The following PAK3 variants were observed in gnomAD, a reference collection of about 807,000 sequenced individuals.
The protein encoded by PAK3 is serine/threonine-protein kinase PAK 3.
In PAK3, 4 loss-of-function variants were observed where a neutral mutation model predicts 41.0. The observed-to-expected ratio is 0.10, with a 90% confidence interval of 0.05 to 0.22. The LOEUF (loss-of-function observed/expected upper bound fraction) is 0.22. Among genes scored for constraint, PAK3 ranks in the 10% least tolerant of loss-of-function variants. The probability of loss-of-function intolerance (pLI) is 1.00; values close to 1 mark genes in which losing one functional copy is unlikely to be tolerated. For missense variants in PAK3, 205 were observed against 409.9 expected (o/e 0.50, Z 4.32); for synonymous variants, 146 against 139.6 (o/e 1.05, Z -0.32).
chrX:111,192,254 C>T (rs911992051), intron 12 of PAK3, 79 bp downstream of exon 12: 4 of 676,708 alleles, frequency 5.9e-6, no homozygotes, highest in Non-Finnish European at 9.5e-6. Flanking sequence ...GGCAACTTCG[C>T]CTAAAAAAAA....
At position 111,123,171 on chromosome X, in the gene PAK3, G is replaced by A. The variant is rs768347607; in HGVS notation, c.68G>A (p.Arg23Gln). Reference sequence around the variant, plus strand: ...CCACTGAGGATGAATAGTAACAACCGGGATTCTTCAGCACTCAACCACAGC... The same window carrying A: ...CCACTGAGGATGAATAGTAACAACCAGGATTCTTCAGCACTCAACCACAGC... ...APPLRMNSNN[R>Q]DSSALNHSSK... Residue 23 changes from arginine to glutamine, a missense_variant, in exon 5 of 18, where the codon CGG (arginine) becomes CAG (glutamine). By Grantham distance (43) the Arg-to-Gln change is conservative. Transcript: ENST00000372007. 7.5e-6 allele frequency: 9 copies of A among 1,202,120 alleles called. No homozygotes were observed. The highest frequency in any genetic ancestry group is 1.8e-5 in the African/African-American group (1 of 57,060).
chrX:111,198,901 T>G, intron 16 of PAK3, among the ~76,000 whole-genome samples: 1 of 111,824 alleles, frequency 8.9e-6, no homozygotes, highest in East Asian at 2.8e-4. Context: ...GTATTGAATC[T>G]GTACATTACT....
At chrX:110,975,316 C>A (rs760243434) in intron 1 of PAK3, among the ~76,000 whole-genome samples, 1 of 111,872 alleles carries the variant, frequency 8.9e-6, no homozygotes, top group Non-Finnish European at 1.9e-5. Flanking sequence ...ACACCAATAA[C>A]AGACAAACAG....
intron 4 of PAK3, among the ~76,000 whole-genome samples, chrX:111,103,946 T>C (rs1241189012): frequency 9.0e-6 from 1 of 111,705 alleles, no homozygotes; most frequent in Admixed American, 9.4e-5. Context: ...TCTTGCATGG[T>C]TTCTGGAGTA....
At chrX:111,095,693 T>A (rs1603198954), upstream of PAK3, among the ~76,000 whole-genome samples, 1 of 112,118 alleles carries the variant, frequency 8.9e-6, no homozygotes, top group Admixed American at 9.4e-5. Context: ...CACTGCCACA[T>A]CTGTCTCTCT....
chrX:111,155,291 A>C (rs1182825214), intron 8 of PAK3, among the ~76,000 whole-genome samples: 1 of 110,099 alleles, frequency 9.1e-6, no homozygotes, highest in Non-Finnish European at 1.9e-5. Context: ...GCTTGAGCCT[A>C]GGAGTTCAAG....
At chrX:111,195,039 T>G (rs1019422298) in intron 14 of PAK3, among the ~76,000 whole-genome samples, 4 of 112,132 alleles carry the variant, frequency 3.6e-5, no homozygotes, top group South Asian at 7.5e-4. Context: ...TTTACTGGAG[T>G]CTCATCTTAG....
intron 1 of PAK3, among the ~76,000 whole-genome samples, chrX:111,020,531 G>A (rs1403757397): frequency 9.0e-6 from 1 of 111,426 alleles, no homozygotes; most frequent in East Asian, 2.9e-4. Context: ...ATGGCAGATA[G>A]GAGGCAGGAC....
chrX:111,195,073 T>C (rs975227068), intron 14 of PAK3, among the ~76,000 whole-genome samples: 1 of 112,581 alleles, frequency 8.9e-6, no homozygotes, highest in Non-Finnish European at 1.9e-5. Flanking sequence ...TCCCATTTAT[T>C]GTGGTGAGGT....
chrX:111,019,530 C>CAA lies in PAK3; in HGVS notation c.-28+74918_-28+74919dup, dbSNP rs145174631. 8.0e-3 allele frequency among the ~76,000 whole-genome samples: 603 copies of CAA among 74,907 alleles called. 11 individuals carry two copies. The highest frequency in any genetic ancestry group is 0.015 in the East Asian group (35 of 2,309). 65.0% of individuals were successfully genotyped at this position (74,907 alleles called of 115,157 possible). On this transcript the variant is annotated intron_variant, in intron 1 of 14. Transcript: ENST00000425146. The stretch of plus-strand genomic sequence containing the variant: ...GCAACATGGCAAAACACCATCTTTA[C>CAA]AAAAAAAAAAAAAAAAATTAGCCTG...
chrX:111,130,093 G>A (rs1282662640), intron 5 of PAK3, among the ~76,000 whole-genome samples: 2 of 111,986 alleles, frequency 1.8e-5, no homozygotes, highest in Non-Finnish European at 3.8e-5. Context: ...AAATGAAAGT[G>A]GAACCAGTAT....
chrX:111,192,371 G>C (rs1335955426), intron 12 of PAK3, 135 bp from the exon 13 acceptor site: 1 of 527,505 alleles, frequency 1.9e-6, no homozygotes, highest in Non-Finnish European at 3.3e-6. Flanking sequence ...AAAGTGGGGG[G>C]CATGTGTTTG....
intron 16 of PAK3, among the ~76,000 whole-genome samples, chrX:111,204,278 T>TA (rs2094715315): frequency 9.0e-6 from 1 of 111,101 alleles, no homozygotes; most frequent in Non-Finnish European, 1.9e-5. Context: ...CATAGCAAAC[T>TA]AAAATCCACC....
intron 1 of PAK3, among the ~76,000 whole-genome samples, chrX:111,032,786 G>C (rs1332652723): frequency 9.0e-6 from 1 of 110,541 alleles, no homozygotes; most frequent in African/African-American, 3.3e-5. Context: ...GGTAGTTTGG[G>C]TCAGCTCACG....
chrX:111,028,040 T>C (rs868116475), intron 1 of PAK3, among the ~76,000 whole-genome samples: 1 of 101,535 alleles, frequency 9.8e-6, no homozygotes, highest in East Asian at 2.9e-4. Flanking sequence ...TGTATATATA[T>C]ATACACACAC....
At chrX:111,177,513 C>G (rs1363218320) in intron 11 of PAK3, among the ~76,000 whole-genome samples, 1 of 111,470 alleles carries the variant, frequency 9.0e-6, no homozygotes, top group African/African-American at 3.3e-5. Context: ...CAAATCCAGA[C>G]ATTTTGAGCA....
chrX:111,080,531 C>A (rs533525969), intron 1 of PAK3, among the ~76,000 whole-genome samples: 1 of 112,320 alleles, frequency 8.9e-6, no homozygotes, highest in African/African-American at 3.2e-5. Context: ...CACTGAGAAT[C>A]CAAAACATTT....
chrX:111,019,393 G>A (rs1187796381), intron 1 of PAK3, among the ~76,000 whole-genome samples: 1 of 109,582 alleles, frequency 9.1e-6, no homozygotes, highest in Non-Finnish European at 1.9e-5. Context: ...CACAAAATTC[G>A]ATTATAAAAT....
At chrX:111,047,527 G>A (rs2075427003) in intron 1 of PAK3, among the ~76,000 whole-genome samples, 1 of 110,842 alleles carries the variant, frequency 9.0e-6, no homozygotes, top group Non-Finnish European at 1.9e-5. Context: ...CTTTCAACAG[G>A]TAGAACTGAG....
Sources: allele counts gnomAD v4.1 joint callset (sites outside exome capture counted in the v4.1 genomes callset), GRCh38; gene constraint gnomAD v4.1.1; transcripts MANE v1.5; gene names NCBI Gene and HGNC (gene_info 2026-07-23, HGNC 2026-07-21).